The following PRSS3 variants were observed in gnomAD, a reference collection of about 807,000 sequenced individuals.
PRSS3 encodes serine protease 3, also known as trypsin-3.
In PRSS3, 14 loss-of-function variants were observed where a neutral mutation model predicts 20.8. The observed-to-expected ratio is 0.67, with a 90% CI of 0.44 to 1.05. PRSS3 has a LOEUF of 1.05. PRSS3 is among the 50% of genes least tolerant of loss of function. The pLI is 0.00. For missense variants in PRSS3, 237 were observed against 306.4 expected (o/e 0.77, Z 1.69); for synonymous variants, 91 against 117.6 (o/e 0.77, Z 1.46).
chr9:33,786,380 A>G, intron 1 of PRSS3: 1 of 641,090 alleles, frequency 1.6e-6, no homozygotes, highest in Admixed American at 2.7e-5. Context: ...AGATTAAAGG[A>G]CCATAACAGA....
chr9:33,750,727 G>A lies in PRSS3; in HGVS notation c.-53G>A. 1 of 1,437,250 alleles carries A rather than the reference G, an allele frequency of 7.0e-7. No individual in the cohort carries two copies. Among genetic ancestry groups the A allele is most frequent in the Non-Finnish European group, 9.1e-7 (1 of 1,100,306 alleles). The allele number at this position is 1,437,250 out of a possible 1,614,324, so 89.0% of individuals were successfully genotyped here. ...AGACGGCTGCGAGGCGCTGGGCACAGGTCAGACGTCAGTACCCGCAGGGGG... is the reference window on the plus strand; with the variant it reads ...AGACGGCTGCGAGGCGCTGGGCACAAGTCAGACGTCAGTACCCGCAGGGGG... On this transcript the variant is annotated splice_region_variant and 5_prime_UTR_variant, in exon 1 of 6. Coordinates refer to the PRSS3 transcript ENST00000342836. The surrounding 1 kb of genome is among the most constrained non-coding windows in gnomAD (Gnocchi z 4.8).
At chr9:33,762,873 G>A (rs1319254937) in intron 1 of PRSS3, among the ~76,000 whole-genome samples, 1 of 152,192 alleles carries the variant, frequency 6.6e-6, no homozygotes, top group Non-Finnish European at 1.5e-5. Context: ...TAGTGTACGA[G>A]CACCAGACTA....
chr9:33,772,221 T>C (rs1823742280), intron 1 of PRSS3, among the ~76,000 whole-genome samples: 1 of 151,984 alleles, frequency 6.6e-6, no homozygotes, highest in Non-Finnish European at 1.5e-5. Flanking sequence ...GGGAGTTAAG[T>C]GGGATTTAAA....
chr9:33,753,310 C>T (rs1822782581), intron 1 of PRSS3, among the ~76,000 whole-genome samples: 1 of 152,044 alleles, frequency 6.6e-6, no homozygotes, highest in Admixed American at 6.5e-5. Flanking sequence ...TGGGTATAAC[C>T]TTAAAGATTG....
Position 33,765,990 on chromosome 9 carries a change from G to A in PRSS3, c.-53+15263G>A, listed in dbSNP as rs370550262. ...GGCCATAAAAAGGAATGAAGTAGCC[G>A]GGCGTGGTGGCCCACACCTGTAATC... is the stretch of plus-strand genomic sequence containing the variant. On this transcript the variant is annotated intron_variant, in intron 1 of 5. Transcript: ENST00000342836. 2.5e-4 allele frequency among the ~76,000 whole-genome samples: 38 copies of A among 152,280 alleles called. 3 individuals carry two copies. In the South Asian group the frequency reaches 7.0e-3, roughly 28 times the overall value.
At chr9:33,779,867 TAAAAAAAAAA>T (rs35501160) in intron 1 of PRSS3, among the ~76,000 whole-genome samples, 1 of 31,822 alleles carries the variant, frequency 3.1e-5, no homozygotes, top group Non-Finnish European at 4.9e-5. Context: ...AGACTCTGTC[TAAAAAAAAAA>T]AAAAAAAAAA....
chr9:33,788,612 T>C (rs1163972250), intron 1 of PRSS3, among the ~76,000 whole-genome samples: 2 of 152,194 alleles, frequency 1.3e-5, no homozygotes, highest in African/African-American at 4.8e-5. Flanking sequence ...CATGAGCTCA[T>C]TGTTTTAGAT....
upstream of PRSS3, chr9:33,793,711 G>T (rs1039802204): frequency 5.3e-6 from 5 of 943,074 alleles, no homozygotes; most frequent in African/African-American, 2.1e-5. Flanking sequence ...CATGGCTTCC[G>T]TTGGCCTTAT....
intron 1 of PRSS3, among the ~76,000 whole-genome samples, chr9:33,774,947 T>C (rs1347546364): frequency 1.3e-5 from 2 of 151,808 alleles, no homozygotes; most frequent in Non-Finnish European, 2.9e-5. Flanking sequence ...GATTGCACCA[T>C]TGCATGCCAG....
chr9:33,764,212 C>T (rs1823324011), intron 1 of PRSS3, among the ~76,000 whole-genome samples: 1 of 152,194 alleles, frequency 6.6e-6, no homozygotes, highest in Admixed American at 6.5e-5. Context: ...AGTTGGATTC[C>T]TACCTCACAC....
intron 1 of PRSS3, among the ~76,000 whole-genome samples, chr9:33,756,559 G>T (rs556031778): frequency 6.6e-6 from 1 of 152,060 alleles, no homozygotes; most frequent in East Asian, 1.9e-4. Flanking sequence ...GGATCTCTTG[G>T]ATTTGTCTTG....
At chr9:33,795,410 G>A, upstream of PRSS3, 15 of 948,020 alleles carry the variant, frequency 1.6e-5, 1 homozygote, top group Non-Finnish European at 2.4e-5. Flanking sequence ...CCACAGAGTG[G>A]CCAAACGTAG....
intron 1 of PRSS3, among the ~76,000 whole-genome samples, chr9:33,758,679 C>T (rs1229736312): frequency 6.6e-6 from 1 of 152,156 alleles, no homozygotes; most frequent in East Asian, 1.9e-4. Context: ...AGGATTCGCA[C>T]ATATGCTAGT....
rs775470188 is a variant in PRSS3 at position 33,798,565 on chromosome 9, G to T, written c.534G>T (p.Lys178Asn). 1.2e-6 allele frequency: 2 copies of T among 1,614,194 alleles called. No homozygotes were observed. The highest frequency in any genetic ancestry group is 4.5e-5 in the East Asian group (2 of 44,884). ...AGTGTAAAGCCTCCTACCCTGGAAA[G>T]ATTACCAACAGCATGTTCTGTGTGG... The part of the protein sequence containing the change: ...QAECKASYPG[K>N]ITNSMFCVGF... The change falls in exon 4 of 5, where the codon AAG becomes AAT. Residue 178 changes from lysine to asparagine, a missense_variant. Physicochemically the swap from Lys to Asn is moderately conservative, Grantham distance 94. Transcript: ENST00000379405.
intron 1 of PRSS3, chr9:33,786,647 C>T (rs1824424817): frequency 1.3e-6 from 1 of 766,412 alleles, no homozygotes; most frequent in Non-Finnish European, 2.4e-6. Context: ...CTGGTACTGT[C>T]AGCAACCTGG....
chr9:33,759,542 G>A (rs957127949), intron 1 of PRSS3, among the ~76,000 whole-genome samples: 5 of 152,196 alleles, frequency 3.3e-5, no homozygotes, highest in African/African-American at 1.2e-4. Flanking sequence ...GGCTTTCTGG[G>A]TGACTGGACG....
At chr9:33,770,353 A>G (rs1823629006) in intron 1 of PRSS3, among the ~76,000 whole-genome samples, 1 of 152,174 alleles carries the variant, frequency 6.6e-6, no homozygotes, top group Non-Finnish European at 1.5e-5. Context: ...ACCATACCTC[A>G]AATCTCACCC....
rs567141728 is a variant in PRSS3 at position 33,774,971 on chromosome 9, A to C, written c.-52-19775A>C. Among the ~76,000 whole-genome samples, 4 of 152,018 alleles carry C rather than the reference A, an allele frequency of 2.6e-5. No homozygotes were observed. The South Asian group carries it at 8.3e-4, about 32-fold the overall frequency. On this transcript the variant is annotated intron_variant, in intron 1 of 5. Transcript: ENST00000342836. Reference sequence around the variant, plus strand: ...ATTGCATGCCAGCCTGAGCAACAAGAGCGAAACTCCATCTCAAAAAATAAT... The same window carrying C: ...ATTGCATGCCAGCCTGAGCAACAAGCGCGAAACTCCATCTCAAAAAATAAT...
intron 1 of PRSS3, among the ~76,000 whole-genome samples, chr9:33,790,206 TAAAA>T (rs968077549): frequency 2.6e-5 from 4 of 152,126 alleles, no homozygotes; most frequent in African/African-American, 9.7e-5. Context: ...ATTATCAAAA[TAAAA>T]AGTCAAAATC....
Sources: gnomAD v4.1 joint callset for allele counts (sites outside exome capture counted in the v4.1 genomes callset) on GRCh38, gnomAD v4.1.1 for gene constraint, Gnocchi (gnomAD v3.1) non-coding constraint, MANE v1.5 for transcripts, NCBI Gene and HGNC (gene_info 2026-07-23, HGNC 2026-07-21) for gene names.